MBNL1: variants seen among roughly 807,000 people sequenced by gnomAD.
MBNL1 encodes the protein muscleblind like splicing regulator 1.
In MBNL1, 8 loss-of-function variants were observed where a neutral mutation model predicts 42.2. The ratio of observed to expected loss-of-function variants is 0.19; its 90% CI spans 0.11 to 0.34. The LOEUF (loss-of-function observed/expected upper bound fraction) is 0.34, where lower values mean the gene tolerates loss of function less well. Among genes scored for constraint, MBNL1 ranks in the 10% least tolerant of loss-of-function variants. MBNL1 has a pLI of 1.00. For missense variants in MBNL1, 309 were observed against 495.3 expected (o/e 0.62, Z 3.57); for synonymous variants, 169 against 173.9 (o/e 0.97, Z 0.22).
chr3:152,262,615 A>G (rs2036487057), intron 2 of MBNL1: 1 of 152,234 alleles, frequency 6.6e-6, no homozygotes, highest in African/African-American at 2.4e-5. Context: ...GACAATGGCC[A>G]TATTTTTTCA....
intron 2 of MBNL1, among the ~76,000 whole-genome samples, chr3:152,381,119 A>C (rs1191781300): frequency 6.6e-6 from 1 of 152,076 alleles, no homozygotes; most frequent in African/African-American, 2.4e-5. Context: ...TCATTATAAC[A>C]AGTTGTATAT....
chr3:152,404,635 C>T (rs2098370131), intron 2 of MBNL1, among the ~76,000 whole-genome samples: 1 of 151,634 alleles, frequency 6.6e-6, no homozygotes, highest in Admixed American at 6.6e-5. Flanking sequence ...AACATACCAT[C>T]CTATATTACT....
intron 2 of MBNL1, among the ~76,000 whole-genome samples, chr3:152,330,060 C>T (rs2083304806): frequency 6.6e-6 from 1 of 152,012 alleles, no homozygotes; most frequent in Non-Finnish European, 1.5e-5. Context: ...TATTGGTAGT[C>T]TCATTAATCC....
intron 2 of MBNL1, among the ~76,000 whole-genome samples, chr3:152,311,966 G>A (rs1011855525): frequency 6.6e-5 from 10 of 151,736 alleles, no homozygotes; most frequent in African/African-American, 1.7e-4. Context: ...CGAGGCGGGC[G>A]GATCACGAGG....
At chr3:152,288,366 C>G (rs557234452) in intron 1 of MBNL1, among the ~76,000 whole-genome samples, 2 of 152,278 alleles carry the variant, frequency 1.3e-5, no homozygotes, top group South Asian at 4.1e-4. Flanking sequence ...TCAGGAATGA[C>G]TGCGAGTGGA....
At chr3:152,453,129 G>C (rs908970348) in intron 6 of MBNL1, among the ~76,000 whole-genome samples, 1 of 151,912 alleles carries the variant, frequency 6.6e-6, no homozygotes, top group African/African-American at 2.4e-5. Flanking sequence ...TTAACTTTTA[G>C]TCTTAAAATG....
At chr3:152,340,792 G>A in intron 2 of MBNL1, 1 of 1,613,996 alleles carries the variant, frequency 6.2e-7, no homozygotes, top group African/African-American at 1.3e-5. Context: ...AGCAGAAGGG[G>A]ACTGGACAGA....
At chr3:152,412,862 G>A (rs1206428865) in intron 2 of MBNL1, among the ~76,000 whole-genome samples, 1 of 152,102 alleles carries the variant, frequency 6.6e-6, no homozygotes, top group African/African-American at 2.4e-5. Context: ...GTGAATTGAT[G>A]GGAAGTGAAT....
chr3:152,438,940 A>G lies in MBNL1; in HGVS notation c.549+6020A>G, dbSNP rs139086577. Among the ~76,000 whole-genome samples the G allele has an allele frequency of 2.0e-5, 3 of 152,304 alleles. No homozygotes were observed. In the East Asian group the frequency reaches 5.8e-4, roughly 29 times the overall value. On this transcript the variant is annotated intron_variant, in intron 4 of 9. Transcript: ENST00000324210. Reference sequence around the variant, plus strand: ...CGTAATCCAATAAAAACCAGGGGACACGTATTCCAGACACTGATGAAAACA... The same window carrying G: ...CGTAATCCAATAAAAACCAGGGGACGCGTATTCCAGACACTGATGAAAACA...
At chr3:152,448,699 C>T (rs1446802086) in intron 6 of MBNL1, among the ~76,000 whole-genome samples, 1 of 152,000 alleles carries the variant, frequency 6.6e-6, no homozygotes, top group African/African-American at 2.4e-5. Flanking sequence ...TTAGACTATA[C>T]TGGCAGTATT....
rs16864283 is a variant in MBNL1, at chr3:152,446,518, T to C, written c.807+979T>C. 6.3e-3 allele frequency among the ~76,000 whole-genome samples: 959 copies of C among 152,304 alleles called. 9 individuals are homozygous for C. The highest frequency in any genetic ancestry group is 0.022 in the African/African-American group (916 of 41,560). On this transcript the variant is annotated intron_variant, in intron 5 of 9. Transcript: ENST00000324210. ...AATAACAACTCAGTAGTGCCTTTAT[T>C]GTGCATGCTTAGTCTTGTTATTCGT...
chr3:152,269,123 C>T (rs1401886309), intron 1 of MBNL1, 31 bp downstream of exon 1: 3 of 447,926 alleles, frequency 6.7e-6, no homozygotes, highest in Non-Finnish European at 1.3e-5. Context: ...TTTCCCCGCG[C>T]CGCTTCATTG....
intron 6 of MBNL1, among the ~76,000 whole-genome samples, chr3:152,452,670 C>T (rs1485627163): frequency 6.6e-6 from 1 of 152,160 alleles, no homozygotes; most frequent in African/African-American, 2.4e-5. Context: ...TACCCAGCTA[C>T]CTGTGGAGCT....
At chr3:152,263,135 T>C (rs2036581479), upstream of MBNL1, 1 of 152,168 alleles carries the variant, frequency 6.6e-6, no homozygotes. Context: ...TCATGAAAAA[T>C]GAAGATTATA....
chr3:152,444,806 C>A (rs1363681525), intron 4 of MBNL1, among the ~76,000 whole-genome samples: 1 of 152,158 alleles, frequency 6.6e-6, no homozygotes, highest in Non-Finnish European at 1.5e-5. Context: ...AGTAAAATAT[C>A]TTTCCATTCA....
At chr3:152,459,085 T>A in intron 8 of MBNL1, 186 bp from the exon 9 acceptor site, 1 of 439,948 alleles carries the variant, frequency 2.3e-6, no homozygotes, top group Non-Finnish European at 4.1e-6. Context: ...ACATGAAGAT[T>A]TTAAAGTTAG....
chr3:152,298,512 C>A (rs1023350089), intron 1 of MBNL1, among the ~76,000 whole-genome samples: 8 of 152,242 alleles, frequency 5.3e-5, no homozygotes, highest in Non-Finnish European at 1.2e-4. Context: ...GATGGAATCA[C>A]TTTCTCCCTT....
At chr3:152,294,894 T>A (rs1163418990) in intron 1 of MBNL1, among the ~76,000 whole-genome samples, 2 of 152,212 alleles carry the variant, frequency 1.3e-5, no homozygotes, top group Non-Finnish European at 2.9e-5. Flanking sequence ...GAGATTTCTA[T>A]TTTTTGAAAT....
At chr3:152,450,456 G>A (rs1720427100) in intron 6 of MBNL1, among the ~76,000 whole-genome samples, 1 of 152,148 alleles carries the variant, frequency 6.6e-6, no homozygotes, top group Admixed American at 6.5e-5. Flanking sequence ...TCTAATGCAG[G>A]GAATGTATAT....
Sources: allele counts gnomAD v4.1 joint callset (sites outside exome capture counted in the v4.1 genomes callset), GRCh38; gene constraint gnomAD v4.1.1; transcripts MANE v1.5; gene names NCBI Gene and HGNC (gene_info 2026-07-23, HGNC 2026-07-21).